The following ENTPD7 variants were observed in gnomAD, a reference collection of about 807,000 sequenced individuals.
The protein encoded by ENTPD7 is NTPDase 7.
Under a neutral mutation model 77.9 loss-of-function variants are expected in ENTPD7, and 53 were observed. The ratio of observed to expected loss-of-function variants is 0.68; its 90% CI spans 0.55 to 0.85. The LOEUF is 0.85. ENTPD7 is among the 40% of genes least tolerant of loss of function. The pLI, the probability that ENTPD7 is intolerant of heterozygous loss-of-function variation, is 0.00. For missense variants in ENTPD7, 636 were observed against 743.7 expected, an observed-to-expected ratio of 0.86 and a Z score of 1.68; for synonymous variants, 248 against 274.9, an observed-to-expected ratio of 0.90 and a Z score of 0.97.
Position 99,691,366 on chromosome 10 carries a change from G to T in ENTPD7, c.710-19G>T, listed in dbSNP as rs1369318271. ...ATTTTTTAATTACTAGGGCCTTTTT[G>T]TTCTCTTATTTATTTCAGAATCAGA... On this transcript the variant is annotated intron_variant, in intron 7 of 12. Coordinates refer to ENST00000370489, the MANE Select transcript of ENTPD7 (RefSeq NM_020354.5). 5.6e-6 allele frequency: 9 copies of T among 1,601,990 alleles called. No individual in the cohort carries two copies. The highest frequency in any genetic ancestry group is 1.8e-4 in the Middle Eastern group (1 of 5,544).
Position 99,708,706 on chromosome 10 carries a change from T to C in ENTPD7, c.*4023T>C. 1 of 466,178 alleles carries C rather than the reference T, an allele frequency of 2.1e-6. No individual in the cohort carries two copies. The highest frequency in any genetic ancestry group is 2.8e-6 in the Non-Finnish European group (1 of 355,680). The allele number at this position is 466,178 out of a possible 1,614,324, so 28.9% of individuals were successfully genotyped here. A position where few individuals can be genotyped will look rare whatever the true frequency, so the allele number is the denominator to read the frequency against. ...GGAACAGAGTTTCTAATAGTAATCA[T>C]AATAAATTTCAGAAGAGTTTTAAAG... is the stretch of plus-strand genomic sequence containing the variant. On this transcript the variant is annotated 3_prime_UTR_variant, in exon 13 of 13. Transcript: ENST00000370489.
intron 7 of ENTPD7, 75 bp downstream of exon 7, chr10:99,688,825 A>C (rs2035845228): frequency 5.1e-6 from 7 of 1,384,794 alleles, no homozygotes; most frequent in African/African-American, 4.4e-5. Flanking sequence ...AGTAGCATGT[A>C]AATGCAAATT....
intron 8 of ENTPD7, among the ~76,000 whole-genome samples, chr10:99,694,538 G>GTTT (rs150413650): frequency 2.2e-4 from 29 of 134,402 alleles, no homozygotes; most frequent in East Asian, 4.3e-4. Flanking sequence ...AAGTTTTTTT[G>GTTT]TTTTTTTTTT....
Position 99,704,795 on chromosome 10 carries a change from C to A in ENTPD7, c.*112C>A. The A allele has an allele frequency of 1.0e-6, 1 of 998,602 alleles. No homozygotes were observed. The highest frequency in any genetic ancestry group is 1.5e-6 in the Non-Finnish European group (1 of 680,984). The allele number at this position is 998,602 out of a possible 1,614,324, so 61.9% of individuals were successfully genotyped here. A position where few individuals can be genotyped will look rare whatever the true frequency, so the allele number is the denominator to read the frequency against. On this transcript the variant is annotated 3_prime_UTR_variant, in exon 13 of 13. Transcript: ENST00000370489. ...TGATGTCTGACCTTGTGGATATTTG[C>A]CCTTGGAATTTCTACTTTACTTTCT...
At chr10:99,672,883 G>C (rs2035633430) in intron 3 of ENTPD7, among the ~76,000 whole-genome samples, 1 of 152,180 alleles carries the variant, frequency 6.6e-6, no homozygotes, top group African/African-American at 2.4e-5. Context: ...CCATCACTGA[G>C]CTCTGTTTGA....
rs914121541 is a variant in ENTPD7 at position 99,710,385 on chromosome 10, T to A, written c.*5702T>A. ...TGAAGTACATGCCATGTACTCCCCC[T>A]TTATTTCTACCTTGATCAATGGCCT... On this transcript the variant is annotated 3_prime_UTR_variant, in exon 13 of 13. Transcript: ENST00000370489. The A allele has an allele frequency of 2.8e-5, 28 of 985,438 alleles. No homozygotes were observed. The African/African-American group carries it at 4.7e-4, about 17-fold the overall frequency. 61.0% of individuals were successfully genotyped at this position (985,438 alleles called of 1,614,324 possible). A position where few individuals can be genotyped will look rare whatever the true frequency, so the allele number is the denominator to read the frequency against.
At chr10:99,696,226 C>T (rs1387204582) in intron 9 of ENTPD7, 104 bp downstream of exon 9, 1 of 1,380,346 alleles carries the variant, frequency 7.2e-7, no homozygotes, top group Non-Finnish European at 9.8e-7. Context: ...CCTGCTTCCT[C>T]CTTCTTTCTG....
chr10:99,684,180 C>T (rs564717291), intron 5 of ENTPD7, among the ~76,000 whole-genome samples: 10 of 152,174 alleles, frequency 6.6e-5, no homozygotes, highest in African/African-American at 2.2e-4. Context: ...CTCAGCCTCC[C>T]GAGTGGGATT....
chr10:99,673,652 A>G (rs377010156), intron 3 of ENTPD7, among the ~76,000 whole-genome samples: 1 of 152,350 alleles, frequency 6.6e-6, no homozygotes. Context: ...AGAGAAAGAA[A>G]AGTTGAGTTG....
In ENTPD7 at chr10:99,709,021, G is replaced by A. The variant is rs759599665; in HGVS notation, c.*4338G>A. 2.9e-5 allele frequency: 29 copies of A among 984,808 alleles called. No homozygotes were observed. Among genetic ancestry groups the A allele is most frequent in the Non-Finnish European group, 3.5e-5 (29 of 829,436 alleles). 61.0% of individuals were successfully genotyped at this position (984,808 alleles called of 1,614,324 possible). ...AAAAAAATACTTTGTCAGAAATAGTGCCAAGTTTTCACTACATCTATTCTT... is the reference window on the plus strand; with the variant it reads ...AAAAAAATACTTTGTCAGAAATAGTACCAAGTTTTCACTACATCTATTCTT... On this transcript the variant is annotated 3_prime_UTR_variant, in exon 13 of 13. Transcript: ENST00000370489.
intron 6 of ENTPD7, among the ~76,000 whole-genome samples, chr10:99,687,595 T>C (rs371531439): frequency 7.3e-4 from 111 of 152,244 alleles, no homozygotes; most frequent in African/African-American, 2.6e-3. Context: ...CCTTGGCCAC[T>C]GCTATTTGGA....
chr10:99,665,821 A>C (rs4919380), intron 3 of ENTPD7, among the ~76,000 whole-genome samples: 127,712 of 152,050 alleles, frequency 0.84, 53,880 homozygotes, highest in Middle Eastern at 0.92. Flanking sequence ...GATTGCAGGC[A>C]TGAGTACCAT....
intron 3 of ENTPD7, among the ~76,000 whole-genome samples, chr10:99,662,421 T>C (rs1402484580): frequency 6.6e-6 from 1 of 152,174 alleles, no homozygotes; most frequent in Non-Finnish European, 1.5e-5. Context: ...CCTCTTCACA[T>C]CTAGAACAAG....
In ENTPD7 at chr10:99,708,044, C is replaced by T. The variant is rs2036287100; in HGVS notation, c.*3361C>T. Reference sequence around the variant, plus strand: ...CTAACAGATAGTTCTTTAATCCATGCCCTCCTCTCTCCCTCCCTGCTCTAG... The same window carrying T: ...CTAACAGATAGTTCTTTAATCCATGTCCTCCTCTCTCCCTCCCTGCTCTAG... On this transcript the variant is annotated 3_prime_UTR_variant, in exon 13 of 13. Transcript: ENST00000370489. Among the ~76,000 whole-genome samples the T allele has an allele frequency of 6.6e-6, 1 of 152,020 alleles. No individual in the cohort carries two copies. Among genetic ancestry groups the T allele is most frequent in the Non-Finnish European group, 1.5e-5 (1 of 68,002 alleles).
intron 3 of ENTPD7, among the ~76,000 whole-genome samples, chr10:99,667,929 C>CTTTTTTTTTT (rs61543336): frequency 5.8e-5 from 5 of 85,542 alleles, no homozygotes; most frequent in African/African-American, 1.4e-4. Flanking sequence ...AAATGATAAT[C>CTTTTTTTTTT]TTTTTTTTTT....
At position 99,698,347 on chromosome 10, in the gene ENTPD7, CTT is replaced by C. The variant is rs574374030; in HGVS notation, c.1011-180_1011-179del. On this transcript the variant is annotated intron_variant, in intron 9 of 12. Coordinates refer to ENST00000370489, the MANE Select transcript of ENTPD7 (RefSeq NM_020354.5). ...ACAGAATTGATCACCATATTCCTCTCTTTTTTTTCTAAATTTAACTTGCTGAA... is the reference window on the plus strand; with the variant it reads ...ACAGAATTGATCACCATATTCCTCTCTTTTTTCTAAATTTAACTTGCTGAA... Among the ~76,000 whole-genome samples the C allele has an allele frequency of 3.3e-3, 501 of 152,150 alleles. 1 individual carries two copies. Among genetic ancestry groups the C allele is most frequent in the South Asian group, 6.4e-3 (31 of 4,820 alleles).
intron 3 of ENTPD7, among the ~76,000 whole-genome samples, chr10:99,666,272 A>G (rs563326701): frequency 1.1e-4 from 17 of 151,876 alleles, no homozygotes; most frequent in Admixed American, 8.5e-4. Context: ...CAGTGGCGCT[A>G]TCTCGGCTCA....
chr10:99,667,190 G>A (rs562973723), intron 3 of ENTPD7, among the ~76,000 whole-genome samples: 10 of 152,344 alleles, frequency 6.6e-5, no homozygotes, highest in Non-Finnish European at 1.2e-4. Context: ...CTGTGGCTCA[G>A]AGCTCATTGT....
At chr10:99,666,397 C>T (rs748691356) in intron 3 of ENTPD7, among the ~76,000 whole-genome samples, 5 of 151,794 alleles carry the variant, frequency 3.3e-5, no homozygotes, top group Admixed American at 6.6e-5. Flanking sequence ...TTAGTAGAGA[C>T]GGGGTTTCAC....
Sources: allele counts gnomAD v4.1 joint callset (sites outside exome capture counted in the v4.1 genomes callset), GRCh38; gene constraint gnomAD v4.1.1; transcripts MANE v1.5; gene names NCBI Gene and HGNC (gene_info 2026-07-23, HGNC 2026-07-21).